The following MEI4 variants were observed in gnomAD, a reference collection of about 807,000 sequenced individuals.
MEI4 encodes the protein meiotic double-stranded break formation protein 4, also known as meiosis-specific protein MEI4.
In MEI4, 27 loss-of-function variants were observed where a neutral mutation model predicts 31.4. The ratio of observed to expected loss-of-function variants is 0.86; its 90% CI spans 0.63 to 1.19. MEI4 has a LOEUF of 1.19. Among genes scored for constraint, MEI4 ranks in the 50% most tolerant of loss-of-function variants. The pLI is 0.00. For synonymous variants in MEI4, 122 were observed against 145.4 expected, an observed-to-expected ratio of 0.84 and a Z score of 1.16; for missense variants, 329 against 398.9, an observed-to-expected ratio of 0.82 and a Z score of 1.49.
At chr6:77,811,372 G>A (rs1006508222) in intron 3 of MEI4, among the ~76,000 whole-genome samples, 11 of 152,234 alleles carry the variant, frequency 7.2e-5, no homozygotes, top group African/African-American at 2.4e-4. Context: ...CTAGCATAAT[G>A]AACTGTGTAA....
intron 2 of MEI4, among the ~76,000 whole-genome samples, chr6:77,705,164 C>T (rs1371880237): frequency 1.3e-5 from 2 of 152,032 alleles, no homozygotes; most frequent in Non-Finnish European, 2.9e-5. Flanking sequence ...TCTAGGAGAA[C>T]TCTCTCCCTT....
chr6:77,711,682 C>T (rs753916808), intron 2 of MEI4, among the ~76,000 whole-genome samples: 4 of 152,134 alleles, frequency 2.6e-5, no homozygotes, highest in East Asian at 1.9e-4. Flanking sequence ...TGAGTGAATA[C>T]GGAGCAACTG....
intron 4 of MEI4, among the ~76,000 whole-genome samples, chr6:77,904,638 A>C (rs1278273472): frequency 1.3e-5 from 2 of 152,140 alleles, no homozygotes; most frequent in East Asian, 3.9e-4. Flanking sequence ...AGAGGACATG[A>C]ACTCATTCAT....
intron 2 of MEI4, among the ~76,000 whole-genome samples, chr6:77,717,162 G>A (rs1459342524): frequency 7.8e-6 from 1 of 127,504 alleles, no homozygotes; most frequent in Non-Finnish European, 1.7e-5. Flanking sequence ...ATGTGTCAGG[G>A]TCACAAGACA....
At position 77,761,580 on chromosome 6, in the gene MEI4, A is replaced by C; in HGVS notation, c.683A>C (p.His228Pro). The change falls in exon 3 of 5, where the codon CAT becomes CCT. Residue 228 changes from histidine to proline, a missense_variant. Coordinates refer to ENST00000684080, the MANE Select transcript of MEI4 (RefSeq NM_001322247.2). ...ATCAGTGACTATAACTTATCTAGTC[A>C]TATTCTTAAAAAGTGTTCCAAGAAG... ...SLISDYNLSS[H>P]ILKKCSKKLE... The C allele has an allele frequency of 8.1e-7, 1 of 1,232,058 alleles. No individual in the cohort carries two copies. Among genetic ancestry groups the C allele is most frequent in the Non-Finnish European group, 1.0e-6 (1 of 987,870 alleles). The allele number at this position is 1,232,058 out of a possible 1,614,324, so 76.3% of individuals were successfully genotyped here.
chr6:77,653,916 C>G (rs1768342425), intron 1 of MEI4, among the ~76,000 whole-genome samples: 3 of 152,154 alleles, frequency 2.0e-5, no homozygotes, highest in Non-Finnish European at 4.4e-5. Flanking sequence ...TAATATACAT[C>G]CTTAAAGCAT....
intron 2 of MEI4, among the ~76,000 whole-genome samples, chr6:77,728,450 G>A (rs13217253): frequency 0.29 from 43,993 of 152,012 alleles, 6,497 homozygotes; most frequent in East Asian, 0.49. Flanking sequence ...TCTTTATTCA[G>A]CCAAAACACT....
chr6:77,685,409 T>C (rs1315540007), intron 1 of MEI4, among the ~76,000 whole-genome samples: 1 of 151,902 alleles, frequency 6.6e-6, no homozygotes, highest in Non-Finnish European at 1.5e-5. Flanking sequence ...GGGGACTTGC[T>C]ATTGAGTTTT....
intron 4 of MEI4, among the ~76,000 whole-genome samples, chr6:77,882,897 C>G (rs569637526): frequency 1.1e-4 from 16 of 152,230 alleles, no homozygotes; most frequent in African/African-American, 3.9e-4. Flanking sequence ...TTATTAAAAT[C>G]TCAGACTAAA....
At chr6:77,678,402 G>A (rs1330896862) in intron 1 of MEI4, among the ~76,000 whole-genome samples, 2 of 152,128 alleles carry the variant, frequency 1.3e-5, no homozygotes, top group African/African-American at 4.8e-5. Context: ...GTTCTGATTG[G>A]TAGGTGAAGC....
intron 4 of MEI4, among the ~76,000 whole-genome samples, chr6:77,865,373 G>A (rs888797367): frequency 7.2e-5 from 11 of 151,968 alleles, no homozygotes; most frequent in Admixed American, 4.6e-4. Flanking sequence ...TCAAATAGAC[G>A]CAATAAAAAA....
chr6:77,675,256 T>C lies in MEI4; in HGVS notation c.-14-15402T>C, dbSNP rs571035441. Among the ~76,000 whole-genome samples the C allele has an allele frequency of 2.2e-4, 33 of 152,278 alleles. No individual in the cohort carries two copies. In the South Asian group the frequency reaches 6.8e-3, roughly 32 times the overall value. On this transcript the variant is annotated intron_variant, in intron 1 of 4. Transcript: ENST00000684080. ...TCTTTATTAATTTATAGGTACTCTT[T>C]AGATACTAGGAATAGTCACCTTTTA...
At chr6:77,901,410 A>G (rs1766186027) in intron 4 of MEI4, among the ~76,000 whole-genome samples, 1 of 151,984 alleles carries the variant, frequency 6.6e-6, no homozygotes, top group Non-Finnish European at 1.5e-5. Context: ...TCATCCTAAC[A>G]GGTATGAGGT....
chr6:77,692,691 CCTAAATAA>C (rs1167647988), intron 2 of MEI4, among the ~76,000 whole-genome samples: 1 of 151,932 alleles, frequency 6.6e-6, no homozygotes, highest in Admixed American at 6.6e-5. Context: ...TACCTAAATA[CCTAAATAA>C]GGTTTCCCTC....
At chr6:77,860,860 T>G (rs1337460785) in intron 4 of MEI4, among the ~76,000 whole-genome samples, 1 of 152,104 alleles carries the variant, frequency 6.6e-6, no homozygotes, top group East Asian at 1.9e-4. Context: ...ATATGAACAT[T>G]TTATCTCTTC....
chr6:77,915,772 T>C (rs1456812159), intron 4 of MEI4, among the ~76,000 whole-genome samples: 4 of 152,044 alleles, frequency 2.6e-5, no homozygotes, highest in Non-Finnish European at 5.9e-5. Flanking sequence ...TGGGGATCTC[T>C]GAGCTTCCTG....
rs116393888 is a variant in MEI4, at chr6:77,906,654, C to T, written c.901-16435C>T. On this transcript the variant is annotated intron_variant, in intron 4 of 4. Coordinates refer to ENST00000684080, the MANE Select transcript of MEI4 (RefSeq NM_001322247.2). ...TTATATCCGTGGTGGCACTGGAGTCCGATGAGTTGGTCAAGCATAGGGCTG... is the reference window on the plus strand; with the variant it reads ...TTATATCCGTGGTGGCACTGGAGTCTGATGAGTTGGTCAAGCATAGGGCTG... 8.0e-3 allele frequency among the ~76,000 whole-genome samples: 1,213 copies of T among 152,186 alleles called. 18 individuals are homozygous for T. The highest frequency in any genetic ancestry group is 0.028 in the African/African-American group (1,159 of 41,518).
chr6:77,917,714 G>A (rs1766595688), intron 4 of MEI4, among the ~76,000 whole-genome samples: 1 of 145,734 alleles, frequency 6.9e-6, no homozygotes, highest in Non-Finnish European at 1.5e-5. Flanking sequence ...CCATTTTGTA[G>A]GTTGCCTGTT....
chr6:77,815,449 A>G (rs1463112535), intron 3 of MEI4, among the ~76,000 whole-genome samples: 3 of 152,150 alleles, frequency 2.0e-5, no homozygotes, highest in East Asian at 3.9e-4. Context: ...CAAACTGGCC[A>G]ATATAGGTCA....
Sources: allele counts gnomAD v4.1 joint callset (sites outside exome capture counted in the v4.1 genomes callset), GRCh38; gene constraint gnomAD v4.1.1; transcripts MANE v1.5; gene names NCBI Gene and HGNC (gene_info 2026-07-23, HGNC 2026-07-21).